Variants in YBEY observed in about 807,000 individuals in gnomAD.
YBEY encodes the protein ybeY metalloendoribonuclease.
In YBEY, 15 loss-of-function variants were observed where a neutral mutation model predicts 13.5. The ratio of observed to expected loss-of-function variants is 1.11; its 90% CI spans 0.75 to 1.72. The LOEUF is 1.72. Ranked by LOEUF, YBEY falls within the 40% of genes most tolerant of loss-of-function variation. YBEY has a pLI of 0.00. For synonymous variants in YBEY, 101 were observed against 83.1 expected, an observed-to-expected ratio of 1.21 and a Z score of -1.17; for missense variants, 244 against 208.4, an observed-to-expected ratio of 1.17 and a Z score of -1.05.
Position 46,287,072 on chromosome 21 carries a change from C to T in YBEY, c.159C>T (p.Ile53=). 1 of 1,613,056 alleles carries T rather than the reference C, an allele frequency of 6.2e-7. No individual in the cohort carries two copies. Among genetic ancestry groups the T allele is most frequent in the Non-Finnish European group, 8.5e-7 (1 of 1,179,924 alleles). The change falls in exon 2 of 5, where the codon ATC becomes ATT. Residue 53 remains isoleucine (I), a synonymous_variant. Coordinates refer to ENST00000397701, the MANE Select transcript of YBEY (RefSeq NM_001314025.2). The part of the protein sequence containing the change: ...DNKNIQHINR[I]YRDRNVPTDV... The stretch of plus-strand genomic sequence containing the variant: ...AGAATATTCAGCACATTAATAGAAT[C>T]TACAGAGATAGAAATGTCCCAACCG...
the YBEY span, among the ~76,000 whole-genome samples, chr21:46,304,148 T>G: frequency 7.0e-6 from 1 of 143,424 alleles, no homozygotes; most frequent in African/African-American, 2.6e-5. Context: ...CACCTTAGCC[T>G]CCTGAGTAGC....
chr21:46,302,040 G>A, downstream of YBEY: 1 of 1,538,982 alleles, frequency 6.5e-7, no homozygotes, highest in Non-Finnish European at 8.8e-7. Context: ...GCGGGCTGGA[G>A]GACAGTGGCA....
At chr21:46,302,598 A>ACC (rs1569113986), downstream of YBEY, 2 of 1,584,986 alleles carry the variant, frequency 1.3e-6, no homozygotes, top group Non-Finnish European at 1.7e-6. Context: ...AAGCAGGGGG[A>ACC]CCCTGAATAA....
At chr21:46,304,000 C>T in the YBEY span, among the ~76,000 whole-genome samples, 1 of 141,620 alleles carries the variant, frequency 7.1e-6, no homozygotes, top group Non-Finnish European at 1.5e-5. Flanking sequence ...ATCCACCTGC[C>T]TTGGCTTCCC....
chr21:46,297,512 A>C (rs1349784644), intron 4 of YBEY, 27 bp from the exon 5 acceptor site: 4 of 1,352,224 alleles, frequency 3.0e-6, no homozygotes, highest in Non-Finnish European at 2.9e-6. Flanking sequence ...TTCCCTGGGG[A>C]GGGCCAGCGC....
chr21:46,297,264 CCTTCCCTTCCCA>C (rs987531755), intron 4 of YBEY, among the ~76,000 whole-genome samples: 4 of 150,166 alleles, frequency 2.7e-5, no homozygotes, highest in Admixed American at 1.3e-4. Flanking sequence ...CCCTCCTCCC[CCTTCCCTTCCCA>C]CCTCCCATGC....
chr21:46,290,355 G>A (rs560133874), intron 2 of YBEY, among the ~76,000 whole-genome samples: 32 of 152,124 alleles, frequency 2.1e-4, no homozygotes, highest in African/African-American at 7.0e-4. Flanking sequence ...ACAGGCATGT[G>A]CCATCACACC....
the YBEY span, among the ~76,000 whole-genome samples, chr21:46,302,986 G>A: frequency 6.6e-6 from 1 of 151,456 alleles, no homozygotes; most frequent in Non-Finnish European, 1.5e-5. Context: ...CCCGGGGCGC[G>A]CCCTGAGTCT....
At chr21:46,304,307 G>A in the YBEY span, among the ~76,000 whole-genome samples, 2 of 151,980 alleles carry the variant, frequency 1.3e-5, no homozygotes, top group Non-Finnish European at 2.9e-5. Flanking sequence ...TGGGATTACA[G>A]GCGTGAGCCA....
chr21:46,306,234 C>T, the YBEY span, among the ~76,000 whole-genome samples: 3 of 152,138 alleles, frequency 2.0e-5, no homozygotes, highest in East Asian at 3.9e-4. Flanking sequence ...TAGGGCCGGG[C>T]ATGGTGGCTC....
chr21:46,302,403 A>G (rs771512886), downstream of YBEY: 41 of 1,195,484 alleles, frequency 3.4e-5, no homozygotes, highest in Non-Finnish European at 4.7e-5. Context: ...TTTCAGAGCT[A>G]CACAGATGCA....
At chr21:46,297,439 C>A in intron 4 of YBEY, 100 bp from the exon 5 acceptor site, 1 of 1,177,314 alleles carries the variant, frequency 8.5e-7, no homozygotes, top group Non-Finnish European at 1.1e-6. Context: ...CGGCCGGCTT[C>A]CCCCAAACCC....
chr21:46,302,169 C>T (rs1440423641), downstream of YBEY: 3 of 1,465,640 alleles, frequency 2.0e-6, no homozygotes, highest in African/African-American at 2.8e-5. Context: ...CACAGACGCA[C>T]CTGCTGCTTA....
the YBEY span, among the ~76,000 whole-genome samples, chr21:46,306,120 T>G: frequency 5.4e-4 from 82 of 151,402 alleles, no homozygotes; most frequent in African/African-American, 1.3e-3. Flanking sequence ...CTGGATTATC[T>G]GGGCAAGCCC....
downstream of YBEY, among the ~76,000 whole-genome samples, chr21:46,302,745 G>GAGTCTCTACTAAAAATACAAAAATT (rs1231377901): frequency 2.7e-5 from 4 of 147,368 alleles, no homozygotes; most frequent in South Asian, 2.2e-4. Flanking sequence ...GGCGCGCCCT[G>GAGTCTCTACTAAAAATACAAAAATT]AGCCCGTCTG....
intron 2 of YBEY, among the ~76,000 whole-genome samples, chr21:46,287,886 C>G (rs1430072128): frequency 6.6e-6 from 1 of 151,882 alleles, no homozygotes; most frequent in African/African-American, 2.4e-5. Flanking sequence ...GAGGGGGGCA[C>G]CTATAATCCT....
chr21:46,298,433 G>GTTTTTTTTTTTTTTT (rs1569107101), downstream of YBEY, among the ~76,000 whole-genome samples: 1 of 67,238 alleles, frequency 1.5e-5, no homozygotes, highest in African/African-American at 4.7e-5. Context: ...TTTAATCCAA[G>GTTTTTTTTTTTTTTT]CTTTTTTTTT....
In YBEY at chr21:46,296,155, C is replaced by T. The variant is rs369093335; in HGVS notation, c.340-7C>T. The T allele has an allele frequency of 9.9e-6, 16 of 1,613,628 alleles. No homozygotes were observed. The highest frequency in any genetic ancestry group is 1.4e-5 in the Non-Finnish European group (16 of 1,180,026). On this transcript the variant is annotated splice_region_variant and splice_polypyrimidine_tract_variant and intron_variant, in intron 3 of 4. Coordinates refer to ENST00000397701, the MANE Select transcript of YBEY (RefSeq NM_001314025.2). Reference sequence around the variant, plus strand: ...TCCTCTGAGCCGGTTTAAAATTATTCTGACAGGTGACGGCCACCCACGGAC... The same window carrying T: ...TCCTCTGAGCCGGTTTAAAATTATTTTGACAGGTGACGGCCACCCACGGAC...
the YBEY span, among the ~76,000 whole-genome samples, chr21:46,312,457 T>C: frequency 6.6e-6 from 1 of 152,304 alleles, no homozygotes; most frequent in South Asian, 2.1e-4. Flanking sequence ...TAGCTGGGAT[T>C]ACAGGCGCCT....
Sources: allele counts gnomAD v4.1 joint callset (sites outside exome capture counted in the v4.1 genomes callset), GRCh38; gene constraint gnomAD v4.1.1; transcripts MANE v1.5; gene names NCBI Gene and HGNC (gene_info 2026-07-23, HGNC 2026-07-21).